UBE2L6: variants seen among roughly 807,000 people sequenced by gnomAD.
UBE2L6 encodes ubiquitin/ISG15-conjugating enzyme E2 L6.
A neutral mutation model predicts 13.6 loss-of-function variants in UBE2L6; 11 were observed. The ratio of observed to expected loss-of-function variants is 0.81; its 90% CI spans 0.51 to 1.34. The LOEUF (loss-of-function observed/expected upper bound fraction) is 1.34, where lower values mean the gene tolerates loss of function less well. UBE2L6 is among the 40% of genes most tolerant of loss of function. The probability of loss-of-function intolerance (pLI) is 0.00; values close to 1 mark genes in which losing one functional copy is unlikely to be tolerated. For synonymous variants in UBE2L6, 74 were observed against 83.2 expected (o/e 0.89, Z 0.60); for missense variants, 197 against 199.5 (o/e 0.99, Z 0.07).
upstream of UBE2L6, chr11:57,567,827 A>ACC: frequency 2.0e-6 from 1 of 503,698 alleles, no homozygotes; most frequent in Non-Finnish European, 3.4e-6. Flanking sequence ...CCCCGCGCGG[A>ACC]AGGCTCGGAC....
At position 57,552,329 on chromosome 11, in the gene UBE2L6, A is replaced by G; in HGVS notation, c.*29T>C. ...GGTGTGTCCGTCCGCTATGCCGAGG[A>G]TCCAGTGCACAGAGGGTCAGAACAT... On this transcript the variant is annotated 3_prime_UTR_variant, in exon 4 of 4. Coordinates refer to ENST00000287156, the MANE Select transcript of UBE2L6 (RefSeq NM_004223.5). 6.2e-7 allele frequency: 1 copy of G among 1,613,158 alleles called. No homozygotes were observed. Among genetic ancestry groups the G allele is most frequent in the Non-Finnish European group, 8.5e-7 (1 of 1,179,280 alleles).
In UBE2L6 at chr11:57,554,519, G is replaced by A. The variant is rs746548305; in HGVS notation, c.228C>T (p.His76=). ...PMIKFTTKIY[H]PNVDENGQIC... is the part of the protein sequence containing the mutation. ...TCTGTCCGTTCTCGTCCACGTTGGG[G>A]TGGTAGATCTTGGTTGTGAATTTGA... Residue 76 remains histidine, a synonymous_variant, in exon 3 of 4, where the codon CAC becomes CAT. Transcript: ENST00000287156. 1.2e-6 allele frequency: 2 copies of A among 1,614,200 alleles called. No homozygotes were observed. The highest frequency in any genetic ancestry group is 1.1e-5 in the South Asian group (1 of 91,084).
chr11:57,554,409 C>T (rs1944981645), intron 3 of UBE2L6, 28 bp downstream of exon 3: 2 of 1,610,840 alleles, frequency 1.2e-6, no homozygotes, highest in Non-Finnish European at 1.7e-6. Context: ...CAGTATCAGT[C>T]CCTCCTCCAA....
chr11:57,564,820 A>G lies in UBE2L6; in HGVS notation c.27+2765T>C, dbSNP rs141221141. Among the ~76,000 whole-genome samples, 1,022 of 152,136 alleles carry G rather than the reference A, an allele frequency of 6.7e-3. 14 individuals carry two copies. The highest frequency in any genetic ancestry group is 0.023 in the African/African-American group (945 of 41,516). On this transcript the variant is annotated intron_variant, in intron 1 of 3. Transcript: ENST00000287156. ...CTCCGTCTCAAAAAAAAAAAGAAAG[A>G]AAAACACAGATTAGTATAACACTGT...
chr11:57,552,261 G>C lies in UBE2L6; in HGVS notation c.*97C>G. On this transcript the variant is annotated 3_prime_UTR_variant, in exon 4 of 4. Transcript: ENST00000287156. ...ACTAACAACCTAAGAAGGGAAAAATGAATGGGGAATGGGCCACAGGGGGCT... is the reference window on the plus strand; with the variant it reads ...ACTAACAACCTAAGAAGGGAAAAATCAATGGGGAATGGGCCACAGGGGGCT... 6.6e-7 allele frequency: 1 copy of C among 1,507,006 alleles called. No homozygotes were observed. Among genetic ancestry groups the C allele is most frequent in the Non-Finnish European group, 9.0e-7 (1 of 1,107,814 alleles). 93.4% of individuals were successfully genotyped at this position (1,507,006 alleles called of 1,614,324 possible). A position where few individuals can be genotyped will look rare whatever the true frequency, so the allele number is the denominator to read the frequency against.
At chr11:57,557,908 C>T (rs946683756) in intron 2 of UBE2L6, among the ~76,000 whole-genome samples, 11 of 152,176 alleles carry the variant, frequency 7.2e-5, no homozygotes, top group African/African-American at 1.4e-4. Flanking sequence ...GGGGACCTGT[C>T]CCAGCTCTGC....
chr11:57,567,786 C>A (rs1417518672), upstream of UBE2L6: 1 of 667,242 alleles, frequency 1.5e-6, no homozygotes, highest in Non-Finnish European at 2.3e-6. Context: ...AGGAGGCCGT[C>A]GAAGGACGAC....
chr11:57,554,439 T>C lies in UBE2L6; in HGVS notation c.308A>G (p.Gln103Arg). The change falls in exon 3 of 4, where the codon CAA becomes CGA. Residue 103 changes from glutamine (Q) to arginine (R), a missense_variant and splice_region_variant. Transcript: ENST00000287156. ...CTCCAAGCAAAGCCCAACCCCACCT[T>C]GGCAAGTCTTGGTGCAAGGCTTCCA... Reference protein sequence around the residue: ...ENWKPCTKTCQVLEALNVLVN... With the variant: ...ENWKPCTKTCRVLEALNVLVN... 1 of 1,613,418 alleles carries C rather than the reference T, an allele frequency of 6.2e-7. No individual in the cohort carries two copies. The highest frequency in any genetic ancestry group is 8.5e-7 in the Non-Finnish European group (1 of 1,179,528).
chr11:57,554,588 C>T lies in UBE2L6; in HGVS notation c.159G>A (p.Leu53=). The T allele has an allele frequency of 6.2e-7, 1 of 1,614,132 alleles. No individual in the cohort carries two copies. Among genetic ancestry groups the T allele is most frequent in the South Asian group, 1.1e-5 (1 of 91,078 alleles). ...GATACTCCGGCGGGAAGCTGATGCG[C>T]AGGTTGAAGGCTTTCAGGTGGTAGG... ...QPPYHLKAFN[L]RISFPPEYPF... The change falls in exon 3 of 4, where the codon CTG becomes CTA. Residue 53 remains leucine, a synonymous_variant. Coordinates refer to ENST00000287156, the MANE Select transcript of UBE2L6 (RefSeq NM_004223.5).
chr11:57,562,324 A>G (rs1156411882), intron 1 of UBE2L6, among the ~76,000 whole-genome samples: 1 of 152,196 alleles, frequency 6.6e-6, no homozygotes, highest in Non-Finnish European at 1.5e-5. Flanking sequence ...AGCACTAGAG[A>G]GATTTCTAAG....
intron 1 of UBE2L6, 51 bp from the exon 2 acceptor site, chr11:57,560,483 GC>G (rs2135278743): frequency 5.8e-6 from 8 of 1,387,100 alleles, no homozygotes; most frequent in South Asian, 4.6e-5. Flanking sequence ...CCTTATTTCA[GC>G]CCCCTCCCCC....
rs1206205184 is a variant in UBE2L6 at position 57,560,395 on chromosome 11, A to C, written c.65T>G (p.Leu22Arg). 1 of 1,613,758 alleles carries C rather than the reference A, an allele frequency of 6.2e-7. No homozygotes were observed. Among genetic ancestry groups the C allele is most frequent in the African/African-American group, 1.3e-5 (1 of 74,902 alleles). Residue 22 changes from leucine (L) to arginine (R), a missense_variant, in exon 2 of 4, where the codon CTG becomes CGG. Leu to Arg is a moderately radical substitution (Grantham distance 102). Transcript: ENST00000287156. The part of the protein sequence containing the change: ...EDLQKKPPPY[L>R]RNLSSDDANV... ...GGCATCATCGCTGGACAGGTTCCGC[A>C]GGTATGGGGGAGGCTTCTTCTGAAG...
At chr11:57,555,081 C>T (rs1944987136) in intron 2 of UBE2L6, among the ~76,000 whole-genome samples, 1 of 152,146 alleles carries the variant, frequency 6.6e-6, no homozygotes, top group African/African-American at 2.4e-5. Context: ...AATGGTGCAG[C>T]TGTGATGGAA....
At chr11:57,554,107 G>A (rs748476827) in intron 3 of UBE2L6, among the ~76,000 whole-genome samples, 5 of 152,114 alleles carry the variant, frequency 3.3e-5, no homozygotes, top group Non-Finnish European at 7.4e-5. Flanking sequence ...TTAGGACACC[G>A]AGTCCCAGAA....
In UBE2L6 at chr11:57,552,156, G is replaced by T. The variant is rs1296720052; in HGVS notation, c.*202C>A. The T allele has an allele frequency of 1.4e-6, 1 of 700,330 alleles. No individual in the cohort carries two copies. The highest frequency in any genetic ancestry group is 2.3e-6 in the Non-Finnish European group (1 of 429,198). 43.4% of individuals were successfully genotyped at this position (700,330 alleles called of 1,614,324 possible). On this transcript the variant is annotated 3_prime_UTR_variant, in exon 4 of 4. Transcript: ENST00000287156. ...GTGGGAAGGGTGCACCTGTGGCCAG[G>T]TGAACCTGGGAGTGAGTCCATACAC...
intron 1 of UBE2L6, chr11:57,567,305 C>T: frequency 1.8e-6 from 1 of 555,894 alleles, no homozygotes; most frequent in South Asian, 2.0e-5. Flanking sequence ...AAGTTTCAGG[C>T]AGGAAAAGCG....
Position 57,552,458 on chromosome 11 carries a change from A to C in UBE2L6, c.362T>G (p.Leu121Arg), listed in dbSNP as rs922967862. ...LVNRPNIREPLRMDLADLLTQ... is the reference protein window; with the variant it reads ...LVNRPNIREPRRMDLADLLTQ... ...CAGCAGGTCAGCGAGGTCCATCCGC[A>C]GGGGCTCCCTGATATTCGGTCTATT... The change falls in exon 4 of 4, where the codon CTG becomes CGG. Residue 121 changes from leucine to arginine, a missense_variant. Physicochemically the swap from Leu to Arg is moderately radical, Grantham distance 102. Transcript: ENST00000287156. 3.7e-6 allele frequency: 6 copies of C among 1,614,074 alleles called. No individual in the cohort carries two copies. The African/African-American group carries it at 6.7e-5, about 18-fold the overall frequency.
At chr11:57,560,924 C>G (rs2135279399) in intron 1 of UBE2L6, among the ~76,000 whole-genome samples, 1 of 152,210 alleles carries the variant, frequency 6.6e-6, no homozygotes, top group South Asian at 2.1e-4. Context: ...CCAGCCGGTG[C>G]TGGTGCTTTA....
intron 1 of UBE2L6, among the ~76,000 whole-genome samples, chr11:57,563,590 C>T (rs943766389): frequency 2.0e-5 from 3 of 150,976 alleles, no homozygotes; most frequent in South Asian, 2.1e-4. Flanking sequence ...TGTTTAAAGA[C>T]AGGGTATTTG....
Sources: allele counts gnomAD v4.1 joint callset (sites outside exome capture counted in the v4.1 genomes callset), GRCh38; gene constraint gnomAD v4.1.1; transcripts MANE v1.5; gene names NCBI Gene and HGNC (gene_info 2026-07-23, HGNC 2026-07-21).